BTD: variants seen among roughly 807,000 people sequenced by gnomAD.
BTD encodes the protein biocytinase.
BTD carries 13 observed loss-of-function variants against 17.7 expected under a neutral mutation model. The observed-to-expected ratio is 0.74, with a 90% confidence interval of 0.48 to 1.17. BTD has a LOEUF of 1.17. Ranked by LOEUF, BTD falls within the 50% of genes most tolerant of loss-of-function variation. The pLI is 0.00. For synonymous variants in BTD, 240 were observed against 245.2 expected (o/e 0.98, Z 0.20); for missense variants, 674 against 650.4 (o/e 1.04, Z -0.39).
chr3:15,642,716 C>A (rs1237016592), intron 3 of BTD, among the ~76,000 whole-genome samples: 3 of 152,040 alleles, frequency 2.0e-5, no homozygotes, highest in East Asian at 1.9e-4. Flanking sequence ...TCTACCTCGG[C>A]CTGCCAAAGT....
chr3:15,644,225 C>G, intron 3 of BTD, 91 bp from the exon 4 acceptor site: 1 of 1,354,278 alleles, frequency 7.4e-7, no homozygotes, highest in East Asian at 2.5e-5. Flanking sequence ...TGGTCTCAAT[C>G]TCCTGACCTC....
intron 3 of BTD, among the ~76,000 whole-genome samples, chr3:15,698,060 T>C (rs2069932697): frequency 6.6e-6 from 1 of 152,216 alleles, no homozygotes; most frequent in Non-Finnish European, 1.5e-5. Context: ...TTTGTATTTC[T>C]TTGAGCTCGG....
intron 3 of BTD, among the ~76,000 whole-genome samples, chr3:15,673,493 T>C (rs1021894780): frequency 3.3e-5 from 5 of 152,232 alleles, no homozygotes; most frequent in African/African-American, 1.2e-4. Flanking sequence ...ACATTCACTT[T>C]AGTGGAGAAG....
chr3:15,623,252 G>A (rs2064993939), intron 1 of BTD, among the ~76,000 whole-genome samples: 1 of 152,142 alleles, frequency 6.6e-6, no homozygotes, highest in Non-Finnish European at 1.5e-5. Context: ...TTACTATTAG[G>A]ATGGTATGTC....
At chr3:15,643,008 C>A (rs78007503) in intron 3 of BTD, among the ~76,000 whole-genome samples, 4,536 of 136,868 alleles carry the variant, frequency 0.033, 247 homozygotes, top group African/African-American at 0.12. Context: ...GCCTGGACAA[C>A]AGGAGCAAAA....
exon 5 of BTD, among the ~76,000 whole-genome samples, chr3:15,722,288 T>C (rs1294789003): frequency 2.6e-5 from 4 of 152,122 alleles, no homozygotes; most frequent in African/African-American, 9.7e-5. Context: ...GGAGCCCCAA[T>C]AAAAACCGAA....
At chr3:15,684,593 T>C (rs2125747210) in intron 3 of BTD, 1 of 152,108 alleles carries the variant, frequency 6.6e-6, no homozygotes, top group Admixed American at 6.6e-5. Context: ...ATTTAGAAAG[T>C]AAAAGAACAT....
chr3:15,692,468 A>T (rs117967169), intron 3 of BTD, among the ~76,000 whole-genome samples: 1 of 152,196 alleles, frequency 6.6e-6, no homozygotes, highest in Admixed American at 6.5e-5. Flanking sequence ...AAAAATAAAT[A>T]AAAAATAAAA....
At chr3:15,721,070 G>C in intron 4 of BTD, 1 of 1,613,762 alleles carries the variant, frequency 6.2e-7, no homozygotes, top group Non-Finnish European at 8.5e-7. Flanking sequence ...ACAACATCTT[G>C]TCCATTATAG....
chr3:15,610,529 A>G (rs553080731), intron 1 of BTD, among the ~76,000 whole-genome samples: 1 of 152,334 alleles, frequency 6.6e-6, no homozygotes, highest in South Asian at 2.1e-4. Flanking sequence ...CACCATTCAT[A>G]ATATAGTTCA....
downstream of BTD, among the ~76,000 whole-genome samples, chr3:15,717,095 A>AT (rs1428187383): frequency 6.6e-6 from 1 of 152,152 alleles, no homozygotes; most frequent in African/African-American, 2.4e-5. Flanking sequence ...GGGTTAAGTG[A>AT]TTTTACTAGG....
At chr3:15,615,746 ACCTG>A (rs1335320509) in intron 1 of BTD, among the ~76,000 whole-genome samples, 1 of 152,188 alleles carries the variant, frequency 6.6e-6, no homozygotes, top group Non-Finnish European at 1.5e-5. Flanking sequence ...TAATCAGTGA[ACCTG>A]CATTGACACA....
intron 3 of BTD, among the ~76,000 whole-genome samples, chr3:15,708,636 T>C (rs2071798819): frequency 6.6e-6 from 1 of 152,176 alleles, no homozygotes; most frequent in Admixed American, 6.5e-5. Flanking sequence ...AGTATAATTA[T>C]AAAAGCAAAT....
chr3:15,617,847 T>G (rs2064836742), intron 1 of BTD, among the ~76,000 whole-genome samples: 2 of 152,258 alleles, frequency 1.3e-5, no homozygotes, highest in Non-Finnish European at 2.9e-5. Flanking sequence ...TTGTCTTGAT[T>G]ACTACAGTTT....
intron 2 of BTD, among the ~76,000 whole-genome samples, 163 bp from the exon 3 acceptor site, chr3:15,641,745 C>A (rs140210475): frequency 6.6e-6 from 1 of 152,174 alleles, no homozygotes; most frequent in African/African-American, 2.4e-5. Flanking sequence ...ATCCCCAAGA[C>A]TAAGATCTCT....
chr3:15,685,395 A>G (rs1559332171), intron 3 of BTD: 1 of 1,614,040 alleles, frequency 6.2e-7, no homozygotes, highest in Non-Finnish European at 8.5e-7. Context: ...GTAAGCACTT[A>G]GCACCATGTT....
At chr3:15,682,810 T>C (rs2067679878) in intron 3 of BTD, among the ~76,000 whole-genome samples, 1 of 152,256 alleles carries the variant, frequency 6.6e-6, no homozygotes, top group Admixed American at 6.5e-5. Flanking sequence ...AATATGGTAT[T>C]AATTTTAGGC....
chr3:15,704,302 C>G (rs1183831086), intron 3 of BTD, among the ~76,000 whole-genome samples: 3 of 151,730 alleles, frequency 2.0e-5, no homozygotes, highest in Non-Finnish European at 4.4e-5. Flanking sequence ...GAATGAGTCA[C>G]GGAAGATTTC....
chr3:15,663,964 C>T (rs553273966), intron 3 of BTD, among the ~76,000 whole-genome samples: 16 of 152,208 alleles, frequency 1.1e-4, no homozygotes, highest in African/African-American at 3.1e-4. Context: ...TGCAATGGCG[C>T]GATCTCAGCT....
Sources: gnomAD v4.1 joint callset for allele counts (sites outside exome capture counted in the v4.1 genomes callset) on GRCh38, gnomAD v4.1.1 for gene constraint, MANE v1.5 for transcripts, NCBI Gene and HGNC (gene_info 2026-07-23, HGNC 2026-07-21) for gene names.